Variants in ALDH2 observed in about 807,000 individuals in gnomAD.
The protein encoded by ALDH2 is aldehyde dehydrogenase 2 family member.
ALDH2 carries 44 observed loss-of-function variants against 59.6 expected under a neutral mutation model. That is an observed-to-expected ratio of 0.74 (90% CI 0.58 to 0.95). The LOEUF (loss-of-function observed/expected upper bound fraction) is 0.95. ALDH2 is among the 40% of genes least tolerant of loss of function. ALDH2 has a pLI of 0.00. For missense variants in ALDH2, 570 were observed against 696.3 expected (o/e 0.82, Z 2.04); for synonymous variants, 291 against 284.0 (o/e 1.02, Z -0.25).
intron 1 of ALDH2, among the ~76,000 whole-genome samples, chr12:111,779,765 C>G (rs1028148206): frequency 2.0e-5 from 3 of 152,214 alleles, no homozygotes; most frequent in Non-Finnish European, 4.4e-5. Flanking sequence ...GACCATGGAC[C>G]CTGCCAGGAC....
intron 12 of ALDH2, among the ~76,000 whole-genome samples, chr12:111,807,254 C>T (rs2068503295): frequency 6.6e-6 from 1 of 151,846 alleles, no homozygotes; most frequent in Non-Finnish European, 1.5e-5. Flanking sequence ...CAGAGCGAGA[C>T]TCTGTCTCAA....
intron 12 of ALDH2, among the ~76,000 whole-genome samples, chr12:111,809,177 C>T (rs951454920): frequency 6.6e-6 from 1 of 152,064 alleles, no homozygotes; most frequent in African/African-American, 2.4e-5. Flanking sequence ...TTACAGGCCA[C>T]GTGCCATGGC....
chr12:111,799,903 C>T lies in ALDH2; in HGVS notation c.1249-3C>T. ...ACCCTCCTACGCTGCTCTCTCACTC[C>T]AGATCTTCGGGCCAGTGATGCAGAT... On this transcript the variant is annotated splice_region_variant and splice_polypyrimidine_tract_variant and intron_variant, in intron 10 of 12. Coordinates refer to ENST00000261733, the MANE Select transcript of ALDH2 (RefSeq NM_000690.4). 1 of 1,612,892 alleles carries T rather than the reference C, an allele frequency of 6.2e-7. No individual in the cohort carries two copies. The highest frequency in any genetic ancestry group is 2.2e-5 in the East Asian group (1 of 44,876).
intron 1 of ALDH2, among the ~76,000 whole-genome samples, chr12:111,776,835 A>C (rs1478852252): frequency 6.6e-6 from 1 of 152,026 alleles, no homozygotes; most frequent in East Asian, 1.9e-4. Context: ...CAGGCAAGTG[A>C]CACCATGCCC....
chr12:111,784,992 T>G (rs1488554434), intron 3 of ALDH2, among the ~76,000 whole-genome samples: 1 of 152,154 alleles, frequency 6.6e-6, no homozygotes, highest in Non-Finnish European at 1.5e-5. Flanking sequence ...AGCACCTGGA[T>G]ATGGTAGAGA....
intron 4 of ALDH2, 111 bp from the exon 5 acceptor site, chr12:111,789,712 A>T: frequency 1.1e-6 from 1 of 905,852 alleles, no homozygotes; most frequent in East Asian, 2.6e-5. Context: ...AAAAGCAAAG[A>T]CAGTTTTCAG....
At chr12:111,772,553 G>A (rs935729003) in intron 1 of ALDH2, among the ~76,000 whole-genome samples, 1 of 152,046 alleles carries the variant, frequency 6.6e-6, no homozygotes, top group African/African-American at 2.4e-5. Context: ...AGTAGAGTTG[G>A]GGTTTCACCA....
chr12:111,787,943 G>A (rs865987534), intron 4 of ALDH2, among the ~76,000 whole-genome samples: 18 of 152,112 alleles, frequency 1.2e-4, no homozygotes, highest in African/African-American at 3.6e-4. Context: ...GGAGGCTGAG[G>A]CAGGAGAATG....
chr12:111,772,674 G>GGT (rs2068208920), intron 1 of ALDH2, among the ~76,000 whole-genome samples: 1 of 124,674 alleles, frequency 8.0e-6, no homozygotes, highest in African/African-American at 3.1e-5. Flanking sequence ...TTTTTTTTTG[G>GGT]TTTTTTTTTT....
chr12:111,791,484 C>G, intron 7 of ALDH2, 65 bp downstream of exon 7: 1 of 1,263,586 alleles, frequency 7.9e-7, no homozygotes, highest in South Asian at 1.3e-5. Context: ...CCTCAGTGGA[C>G]GACATGCTCA....
chr12:111,805,435 G>T (rs1028627653), intron 12 of ALDH2, among the ~76,000 whole-genome samples: 1 of 151,842 alleles, frequency 6.6e-6, no homozygotes, highest in African/African-American at 2.4e-5. Flanking sequence ...AGTGATCCTC[G>T]CATCTCAGTC....
At chr12:111,783,808 C>T (rs556536983) in intron 3 of ALDH2, among the ~76,000 whole-genome samples, 4 of 152,282 alleles carry the variant, frequency 2.6e-5, no homozygotes, top group African/African-American at 9.6e-5. Flanking sequence ...CCGCACCTGG[C>T]CTTTGATGCG....
intron 12 of ALDH2, among the ~76,000 whole-genome samples, chr12:111,809,150 C>G (rs7296651): frequency 0.35 from 53,617 of 152,070 alleles, 13,895 homozygotes; most frequent in East Asian, 0.85. Context: ...GCCTATAACT[C>G]TTCATCAAAA....
At chr12:111,790,951 A>G (rs1300166317) in intron 6 of ALDH2, among the ~76,000 whole-genome samples, 1 of 152,156 alleles carries the variant, frequency 6.6e-6, no homozygotes, top group Non-Finnish European at 1.5e-5. Context: ...TGGGAGGTTA[A>G]GGCAGGAGGA....
chr12:111,775,482 G>A (rs1462651766), intron 1 of ALDH2: 4 of 361,218 alleles, frequency 1.1e-5, no homozygotes, highest in Non-Finnish European at 2.2e-5. Context: ...AGGGCTGTCA[G>A]TGAAAGCTTA....
At chr12:111,790,085 C>T in intron 5 of ALDH2, 151 bp downstream of exon 5, 1 of 695,248 alleles carries the variant, frequency 1.4e-6, no homozygotes, top group Non-Finnish European at 2.4e-6. Context: ...GTTTGAGTCT[C>T]AGCACTGCCA....
chr12:111,766,943 C>A lies in ALDH2; in HGVS notation c.-40C>A. 1 of 1,495,920 alleles carries A rather than the reference C, an allele frequency of 6.7e-7. No homozygotes were observed. The highest frequency in any genetic ancestry group is 8.9e-7 in the Non-Finnish European group (1 of 1,123,274). The allele number at this position is 1,495,920 out of a possible 1,614,324, so 92.7% of individuals were successfully genotyped here. A position where few individuals can be genotyped will look rare whatever the true frequency, so the allele number is the denominator to read the frequency against. ...CGGCTCAGTGGCCCTGAGACCCTAG[C>A]TCTGCTCTCGGTCCGCTCGCTGTCC... On this transcript the variant is annotated 5_prime_UTR_variant, in exon 1 of 13. Coordinates refer to ENST00000261733, the MANE Select transcript of ALDH2 (RefSeq NM_000690.4).
intron 1 of ALDH2, among the ~76,000 whole-genome samples, chr12:111,776,606 CA>C (rs971647436): frequency 5.3e-5 from 8 of 151,032 alleles, no homozygotes; most frequent in African/African-American, 1.9e-4. Flanking sequence ...ACAAAAAATA[CA>C]AAAAAAATCC....
chr12:111,784,238 C>A (rs1317796780), intron 3 of ALDH2, among the ~76,000 whole-genome samples: 3 of 152,160 alleles, frequency 2.0e-5, no homozygotes, highest in African/African-American at 7.2e-5. Flanking sequence ...TGCTTGAGCC[C>A]AGGAGTTCAA....
Sources: gnomAD v4.1 joint callset for allele counts (sites outside exome capture counted in the v4.1 genomes callset) on GRCh38, gnomAD v4.1.1 for gene constraint, MANE v1.5 for transcripts, NCBI Gene and HGNC (gene_info 2026-07-23, HGNC 2026-07-21) for gene names.